The following KCNH7 variants were observed in gnomAD, a reference collection of about 807,000 sequenced individuals.
The protein encoded by KCNH7 is potassium voltage-gated channel subfamily H member 7.
A neutral mutation model predicts 120.8 loss-of-function variants in KCNH7; 49 were observed. That is an observed-to-expected ratio of 0.41 (90% CI 0.32 to 0.51). The LOEUF is 0.51. Ranked by LOEUF, KCNH7 falls within the 20% of genes least tolerant of loss-of-function variation. KCNH7 has a pLI of 0.38. For synonymous variants in KCNH7, 547 were observed against 516.1 expected (o/e 1.06, Z -0.81); for missense variants, 1,097 against 1,446.6 (o/e 0.76, Z 3.92).
chr2:162,637,735 A>G (rs960943355), intron 2 of KCNH7, among the ~76,000 whole-genome samples: 10 of 152,046 alleles, frequency 6.6e-5, no homozygotes, highest in Non-Finnish European at 1.5e-4. Context: ...AAAACAAAAC[A>G]AAGAAAATTG....
chr2:162,484,079 A>T (rs1690013553), intron 6 of KCNH7, among the ~76,000 whole-genome samples: 1 of 152,172 alleles, frequency 6.6e-6, no homozygotes, highest in Non-Finnish European at 1.5e-5. Context: ...CCTTAACTCA[A>T]AATCACTATA....
chr2:162,498,085 G>T (rs140230125), intron 6 of KCNH7, among the ~76,000 whole-genome samples: 1 of 152,184 alleles, frequency 6.6e-6, no homozygotes, highest in East Asian at 1.9e-4. Flanking sequence ...TTGTGGACTA[G>T]TAGTAAATTT....
intron 2 of KCNH7, among the ~76,000 whole-genome samples, chr2:162,833,763 G>A (rs1355524524): frequency 6.6e-6 from 1 of 152,034 alleles, no homozygotes; most frequent in Non-Finnish European, 1.5e-5. Flanking sequence ...CATAGATCAC[G>A]GGTTTAAATT....
rs542199120 is a variant in KCNH7 at position 162,694,846 on chromosome 2, C to T, written c.307+141691G>A. On this transcript the variant is annotated intron_variant, in intron 2 of 15. Coordinates refer to ENST00000332142, the MANE Select transcript of KCNH7 (RefSeq NM_033272.4). The stretch of plus-strand genomic sequence containing the variant: ...GAAACCTCTGCCTTCTGGGTTCAAG[C>T]GATTCTCCTGTCTCAGCCTCCTGAG... 3.3e-5 allele frequency among the ~76,000 whole-genome samples: 5 copies of T among 151,742 alleles called. No individual in the cohort carries two copies. The South Asian group carries it at 6.2e-4, about 19-fold the overall frequency.
At chr2:162,429,324 T>C (rs1479388529) in intron 8 of KCNH7, among the ~76,000 whole-genome samples, 2 of 151,164 alleles carry the variant, frequency 1.3e-5, no homozygotes, top group East Asian at 1.9e-4. Flanking sequence ...TTCATTGACA[T>C]TATTTTTTGC....
chr2:162,613,504 C>T (rs1434550862), intron 2 of KCNH7, among the ~76,000 whole-genome samples: 3 of 152,002 alleles, frequency 2.0e-5, no homozygotes, highest in Non-Finnish European at 4.4e-5. Context: ...CCTGTTGTTG[C>T]AGCCTGTTAT....
intron 2 of KCNH7, among the ~76,000 whole-genome samples, chr2:162,567,959 T>A (rs72871699): frequency 0.015 from 2,269 of 152,124 alleles, 26 homozygotes; most frequent in Non-Finnish European, 0.023. Flanking sequence ...AGAAGATGTA[T>A]TAGTCCATTC....
chr2:162,795,378 T>C (rs553155237), intron 2 of KCNH7: 1 of 151,706 alleles, frequency 6.6e-6, no homozygotes, highest in South Asian at 2.1e-4. Context: ...GGTGTTCAAA[T>C]TTTTTTTTCC....
intron 2 of KCNH7, among the ~76,000 whole-genome samples, chr2:162,677,889 G>C (rs1478656428): frequency 6.6e-6 from 1 of 151,392 alleles, no homozygotes; most frequent in Non-Finnish European, 1.5e-5. Flanking sequence ...CTTTGTCCCA[G>C]TAAGTATCTA....
At chr2:162,451,692 T>C (rs117636368) in intron 6 of KCNH7, among the ~76,000 whole-genome samples, 3,106 of 152,114 alleles carry the variant, frequency 0.02, 219 homozygotes, top group Admixed American at 0.15. Flanking sequence ...TCTCTCTCTA[T>C]ATATGTAGAT....
intron 3 of KCNH7, among the ~76,000 whole-genome samples, chr2:162,523,993 T>C (rs887406046): frequency 3.3e-5 from 5 of 151,906 alleles, no homozygotes; most frequent in African/African-American, 7.2e-5. Flanking sequence ...GGAGAGGATC[T>C]GTATGGGGAG....
intron 2 of KCNH7, among the ~76,000 whole-genome samples, chr2:162,678,355 T>C (rs1244490928): frequency 6.6e-6 from 1 of 151,448 alleles, no homozygotes; most frequent in Non-Finnish European, 1.5e-5. Context: ...TTGATAACAT[T>C]GCTAAGGAAT....
At chr2:162,821,188 A>C (rs1685110222) in intron 2 of KCNH7, among the ~76,000 whole-genome samples, 1 of 152,372 alleles carries the variant, frequency 6.6e-6, no homozygotes, top group Non-Finnish European at 1.5e-5. Flanking sequence ...TCCTTTACAA[A>C]GTCAAAGATA....
intron 2 of KCNH7, among the ~76,000 whole-genome samples, chr2:162,667,763 T>C (rs534645368): frequency 6.6e-6 from 1 of 152,324 alleles, no homozygotes; most frequent in Admixed American, 6.5e-5. Flanking sequence ...ATTTGCTTTA[T>C]GGCACTCTTT....
chr2:162,484,291 AAAGCCAC>A (rs1690022543), intron 6 of KCNH7, among the ~76,000 whole-genome samples: 1 of 151,938 alleles, frequency 6.6e-6, no homozygotes, highest in Non-Finnish European at 1.5e-5. Flanking sequence ...GCCAATATAT[AAAGCCAC>A]ATAAAATGAA....
chr2:162,565,089 G>A (rs1224971745), intron 2 of KCNH7, among the ~76,000 whole-genome samples: 1 of 152,034 alleles, frequency 6.6e-6, no homozygotes, highest in African/African-American at 2.4e-5. Flanking sequence ...CAACAAGTAG[G>A]GGCTTCAATA....
chr2:162,694,289 C>T (rs1241945469), intron 2 of KCNH7, among the ~76,000 whole-genome samples: 1 of 152,084 alleles, frequency 6.6e-6, no homozygotes, highest in Non-Finnish European at 1.5e-5. Context: ...CATCCAATGC[C>T]ATTGAGAAAG....
intron 2 of KCNH7, among the ~76,000 whole-genome samples, chr2:162,636,669 T>C (rs1177540036): frequency 1.3e-5 from 2 of 152,146 alleles, no homozygotes; most frequent in Non-Finnish European, 2.9e-5. Flanking sequence ...CATATTCTGT[T>C]GCTTTTAGGT....
At chr2:162,693,902 CAATT>C (rs1416477192) in intron 2 of KCNH7, among the ~76,000 whole-genome samples, 1 of 151,878 alleles carries the variant, frequency 6.6e-6, no homozygotes, top group Non-Finnish European at 1.5e-5. Flanking sequence ...AATAAAGAGT[CAATT>C]AATATATTAT....
Sources: gnomAD v4.1 joint callset for allele counts (sites outside exome capture counted in the v4.1 genomes callset) on GRCh38, gnomAD v4.1.1 for gene constraint, MANE v1.5 for transcripts, NCBI Gene and HGNC (gene_info 2026-07-23, HGNC 2026-07-21) for gene names.